CTNNA1: variants seen among roughly 807,000 people sequenced by gnomAD.
CTNNA1 encodes catenin alpha-1.
A neutral mutation model predicts 98.4 loss-of-function variants in CTNNA1; 37 were observed. That is an observed-to-expected ratio of 0.38 (90% confidence interval 0.29 to 0.49). The LOEUF (loss-of-function observed/expected upper bound fraction) is 0.49. CTNNA1 is among the 20% of genes least tolerant of loss of function. CTNNA1 has a pLI of 0.95. For missense variants in CTNNA1, 761 were observed against 1,147.2 expected (o/e 0.66, Z 4.86); for synonymous variants, 404 against 413.2 (o/e 0.98, Z 0.27).
At chr5:138,920,837 T>G (rs2150255970) in intron 11 of CTNNA1, among the ~76,000 whole-genome samples, 1 of 152,256 alleles carries the variant, frequency 6.6e-6, no homozygotes, top group African/African-American at 2.4e-5. Flanking sequence ...CTCCAGAAAT[T>G]CCCTCATACT....
At chr5:138,858,588 CT>C (rs1233213310) in intron 7 of CTNNA1, among the ~76,000 whole-genome samples, 3 of 66,816 alleles carry the variant, frequency 4.5e-5, no homozygotes, top group Admixed American at 1.8e-4. Context: ...TTTTCTTTTT[CT>C]TTTTCTTTTT....
chr5:138,782,074 C>T (rs1200795159), intron 2 of CTNNA1, 45 bp downstream of exon 2: 2 of 1,567,704 alleles, frequency 1.3e-6, no homozygotes, highest in East Asian at 2.2e-5. Flanking sequence ...GGTTCTATAG[C>T]ACAGGCCTGG....
chr5:138,804,318 T>G (rs1415637925), intron 3 of CTNNA1, among the ~76,000 whole-genome samples: 1 of 152,228 alleles, frequency 6.6e-6, no homozygotes. Context: ...GAGCTATAAC[T>G]CAACATACAT....
Position 138,887,499 on chromosome 5 carries a change from G to T in CTNNA1, c.1153G>T (p.Ala385Ser), listed in dbSNP as rs1163870840. The change falls in exon 9 of 18, where the codon GCT becomes TCT. Residue 385 changes from alanine (A) to serine (S), a missense_variant. By Grantham distance (99) the Ala-to-Ser change is moderately conservative. Transcript: ENST00000302763. ...TRDLRRQLRK[A>S]VMDHVSDSFL... Reference sequence around the variant, plus strand: ...ACAATTTAATCATTAGCTCCGCAAAGCTGTCATGGACCACGTTTCAGATTC... The same window carrying T: ...ACAATTTAATCATTAGCTCCGCAAATCTGTCATGGACCACGTTTCAGATTC... 1 of 1,598,032 alleles carries T rather than the reference G, an allele frequency of 6.3e-7. No individual in the cohort carries two copies. The highest frequency in any genetic ancestry group is 1.3e-5 in the African/African-American group (1 of 74,112).
intron 3 of CTNNA1, among the ~76,000 whole-genome samples, chr5:138,801,220 T>C (rs1019253955): frequency 1.3e-5 from 2 of 152,202 alleles, no homozygotes; most frequent in African/African-American, 4.8e-5. Context: ...ACAATTAATT[T>C]TATGTTTGAT....
chr5:138,908,081 A>G (rs1366318131), intron 10 of CTNNA1, among the ~76,000 whole-genome samples: 1 of 151,816 alleles, frequency 6.6e-6, no homozygotes. Flanking sequence ...GGGTTCAAGC[A>G]ATTCTCCTGT....
chr5:138,883,685 A>C (rs1561647491), intron 7 of CTNNA1, among the ~76,000 whole-genome samples: 1 of 152,212 alleles, frequency 6.6e-6, no homozygotes, highest in Non-Finnish European at 1.5e-5. Flanking sequence ...TTCAGATTCT[A>C]AGTGTTTTCT....
At chr5:138,806,351 CCTAA>C (rs1396873695) in intron 3 of CTNNA1, among the ~76,000 whole-genome samples, 2 of 151,494 alleles carry the variant, frequency 1.3e-5, no homozygotes, top group Non-Finnish European at 2.9e-5. Context: ...TCTCGAGGGT[CCTAA>C]CTTTTTTTTT....
chr5:138,769,931 C>T (rs1209540500), intron 1 of CTNNA1, among the ~76,000 whole-genome samples: 1 of 152,032 alleles, frequency 6.6e-6, no homozygotes, highest in African/African-American at 2.4e-5. Context: ...ATTGCAACCT[C>T]TGCTTCTTGG....
chr5:138,894,275 C>CTT (rs1467054145), intron 9 of CTNNA1, among the ~76,000 whole-genome samples: 5 of 80,058 alleles, frequency 6.2e-5, no homozygotes, highest in Non-Finnish European at 1.2e-4. Context: ...CTTTACTTTT[C>CTT]TTTCTCTTTT....
chr5:138,765,882 G>C (rs1227473499), intron 1 of CTNNA1, among the ~76,000 whole-genome samples: 1 of 145,344 alleles, frequency 6.9e-6, no homozygotes, highest in Non-Finnish European at 1.5e-5. Flanking sequence ...CTGGGAGGCA[G>C]AGGTTGCAGT....
At chr5:138,931,607 T>C in intron 16 of CTNNA1, 2 of 985,400 alleles carry the variant, frequency 2.0e-6, no homozygotes, top group Non-Finnish European at 2.4e-6. Context: ...ATTGGCCAAA[T>C]GTATCTTGAC....
chr5:138,840,820 T>C (rs879014660), intron 7 of CTNNA1, among the ~76,000 whole-genome samples: 1 of 152,076 alleles, frequency 6.6e-6, no homozygotes, highest in Admixed American at 6.5e-5. Context: ...TTAAACAAAT[T>C]GGGTTTGTGT....
chr5:138,922,033 G>A, intron 11 of CTNNA1, among the ~76,000 whole-genome samples: 1 of 151,834 alleles, frequency 6.6e-6, no homozygotes, highest in Non-Finnish European at 1.5e-5. Context: ...TTCTTTGTGT[G>A]CAGCAGCCCT....
rs1267265667 is a variant in CTNNA1 at position 138,753,441 on chromosome 5, T to G, written c.-72T>G. 1 of 371,452 alleles carries G rather than the reference T, an allele frequency of 2.7e-6. No individual in the cohort carries two copies. Among genetic ancestry groups the G allele is most frequent in the African/African-American group, 2.1e-5 (1 of 46,564 alleles). The allele number at this position is 371,452 out of a possible 1,614,324, so 23.0% of individuals were successfully genotyped here. On this transcript the variant is annotated 5_prime_UTR_variant, in exon 1 of 18. Transcript: ENST00000302763. ...GCCCATTTCCTCCTCCTAGCCGGAC[T>G]GGAGGGAGACAAAGCAGCGCCCGTC...
chr5:138,862,216 TG>T (rs1413676841), intron 7 of CTNNA1, among the ~76,000 whole-genome samples: 1 of 152,212 alleles, frequency 6.6e-6, no homozygotes, highest in Non-Finnish European at 1.5e-5. Context: ...TAATGGATTA[TG>T]TTTGTGTTTT....
intron 13 of CTNNA1, among the ~76,000 whole-genome samples, chr5:138,927,277 C>T (rs1764272358): frequency 6.6e-6 from 1 of 152,244 alleles, no homozygotes; most frequent in South Asian, 2.1e-4. Flanking sequence ...TTATGCTGGC[C>T]TACGAGGCCT....
intron 7 of CTNNA1, chr5:138,869,852 A>G (rs1439314216): frequency 2.6e-5 from 4 of 152,650 alleles, no homozygotes; most frequent in Non-Finnish European, 4.4e-5. Context: ...AAAAATTAGT[A>G]TCTTTGCTTT....
chr5:138,903,619 G>A (rs568938846), intron 9 of CTNNA1, among the ~76,000 whole-genome samples: 39 of 152,314 alleles, frequency 2.6e-4, no homozygotes, highest in Non-Finnish European at 5.0e-4. Flanking sequence ...TCCTGGCCAC[G>A]TGAGCTGTAT....
Sources: gnomAD v4.1 joint callset for allele counts (sites outside exome capture counted in the v4.1 genomes callset) on GRCh38, gnomAD v4.1.1 for gene constraint, MANE v1.5 for transcripts, NCBI Gene and HGNC (gene_info 2026-07-23, HGNC 2026-07-21) for gene names.